The following FOXI2 variants were observed in gnomAD, a reference collection of about 807,000 sequenced individuals.
FOXI2 encodes forkhead box protein I2.
FOXI2 carries 17 observed loss-of-function variants against 14.3 expected under a neutral mutation model. The ratio of observed to expected loss-of-function variants is 1.19; its 90% CI spans 0.81 to 1.78. The LOEUF is 1.78. FOXI2 is among the 40% of genes most tolerant of loss of function. The probability of loss-of-function intolerance (pLI) is 0.00; values close to 1 mark genes in which losing one functional copy is unlikely to be tolerated. For missense variants in FOXI2, 541 were observed against 460.0 expected (o/e 1.18, Z -1.61); for synonymous variants, 240 against 218.8 (o/e 1.10, Z -0.85).
Position 127,739,197 on chromosome 10 carries a change from T to C in FOXI2, c.*232T>C, listed in dbSNP as rs1846461116. On this transcript the variant is annotated 3_prime_UTR_variant, in exon 2 of 2. Transcript: ENST00000388920. The stretch of plus-strand genomic sequence containing the variant: ...ACCCAGGCGACCTTCGGAACCTCCC[T>C]GCTCTGCCTCTAAGTCCAGCCGCCC... The C allele has an allele frequency of 3.9e-6, 2 of 518,992 alleles. No individual in the cohort carries two copies. The highest frequency in any genetic ancestry group is 6.9e-5 in the East Asian group (2 of 28,800). The allele number at this position is 518,992 out of a possible 1,614,324, so 32.1% of individuals were successfully genotyped here. A position where few individuals can be genotyped will look rare whatever the true frequency, so the allele number is the denominator to read the frequency against.
chr10:127,738,153 A>G (rs910677156), intron 1 of FOXI2, among the ~76,000 whole-genome samples: 1 of 152,150 alleles, frequency 6.6e-6, no homozygotes, highest in Non-Finnish European at 1.5e-5. Context: ...GATGGGCAAA[A>G]CAAATAGGAT....
Position 127,740,109 on chromosome 10 carries a change from C to CACACTCACACCCACACTG in FOXI2, c.*1148_*1149insTCACACCCACACTGACAC, listed in dbSNP as rs1846502173. Reference sequence around the variant, plus strand: ...CCACACTCACACTCACACCCACACTCACACCACACTCACACCCACACACAC... The same window carrying CACACTCACACCCACACTG: ...CCACACTCACACTCACACCCACACTCACACTCACACCCACACTGACACCACACTCACACCCACACACAC... On this transcript the variant is annotated 3_prime_UTR_variant, in exon 2 of 2. Coordinates refer to ENST00000388920, the MANE Select transcript of FOXI2 (RefSeq NM_207426.3). 1 of 77,226 alleles carries CACACTCACACCCACACTG rather than the reference C, an allele frequency of 1.3e-5. No homozygotes were observed. The highest frequency in any genetic ancestry group is 2.9e-5 in the Non-Finnish European group (1 of 34,424). 4.8% of individuals were successfully genotyped at this position (77,226 alleles called of 1,614,324 possible).
At position 127,738,914 on chromosome 10, in the gene FOXI2, C is replaced by T. The variant is rs1459053133; in HGVS notation, c.906C>T (p.Ala302=). ...GFAPGHQTAA[A]GFRLSHLLYS... ...CCCCTGGCCACCAGACCGCGGCCGC[C>T]GGCTTCCGCCTCAGTCACCTCCTCT... The change falls in exon 2 of 2, where the codon GCC becomes GCT. Residue 302 remains alanine (A), a synonymous_variant. Coordinates refer to ENST00000388920, the MANE Select transcript of FOXI2 (RefSeq NM_207426.3). 1 of 1,603,224 alleles carries T rather than the reference C, an allele frequency of 6.2e-7. No homozygotes were observed. The highest frequency in any genetic ancestry group is 1.3e-5 in the African/African-American group (1 of 74,980).
intron 1 of FOXI2, 55 bp from the exon 2 acceptor site, chr10:127,738,465 A>C: frequency 2.1e-6 from 3 of 1,436,328 alleles, no homozygotes; most frequent in Non-Finnish European, 2.9e-6. Flanking sequence ...GCTGGCTCAC[A>C]CCACGGCCCG....
Position 127,738,553 on chromosome 10 carries a change from G to T in FOXI2, c.545G>T (p.Cys182Phe), listed in dbSNP as rs750067212. 2.5e-6 allele frequency: 4 copies of T among 1,613,072 alleles called. No individual in the cohort carries two copies. The African/African-American group carries it at 5.3e-5, about 22-fold the overall frequency. ...KGNYWTLDPN[C>F]EKMFDNGNFR... ...AATTACTGGACCCTGGACCCCAACT[G>T]CGAGAAGATGTTTGACAACGGGAAC... The change falls in exon 2 of 2, where the codon TGC becomes TTC. Residue 182 changes from cysteine to phenylalanine, a missense_variant. Cys to Phe is a radical substitution (Grantham distance 205). Coordinates refer to ENST00000388920, the MANE Select transcript of FOXI2 (RefSeq NM_207426.3).
At position 127,737,327 on chromosome 10, in the gene FOXI2, C is replaced by A; in HGVS notation, c.54C>A (p.Ala18=). The A allele has an allele frequency of 6.9e-7, 1 of 1,446,842 alleles. No individual in the cohort carries two copies. The highest frequency in any genetic ancestry group is 9.0e-7 in the Non-Finnish European group (1 of 1,113,624). 89.6% of individuals were successfully genotyped at this position (1,446,842 alleles called of 1,614,324 possible). ...CCTCCTCGGCCCCGCCCGGCCAGGC[C>A]CAGGCCACCGCGCACCCCCCGGGCT... The part of the protein sequence containing the change: ...LGPSSAPPGQ[A]QATAHPPGYE... The change falls in exon 1 of 2, where the codon GCC becomes GCA. Residue 18 remains alanine, a synonymous_variant. Transcript: ENST00000388920.
Position 127,738,967 on chromosome 10 carries a change from GGGAGGCT to G in FOXI2, c.*10_*16del, listed in dbSNP as rs762613364. 2 of 1,598,638 alleles carry G rather than the reference GGGAGGCT, an allele frequency of 1.3e-6. No individual in the cohort carries two copies. Among genetic ancestry groups the G allele is most frequent in the Non-Finnish European group, 1.7e-6 (2 of 1,179,082 alleles). On this transcript the variant is annotated 3_prime_UTR_variant, in exon 2 of 2. Coordinates refer to ENST00000388920, the MANE Select transcript of FOXI2 (RefSeq NM_207426.3). ...AGCCGGGAAGGGACCGAAGTTTGAA[GGGAGGCT>G]GGAGGCTAGCCGGGTGCGGGTCCAG...
In FOXI2 at chr10:127,739,821, CCACACCCACACCCACACTCACACT is replaced by C. The variant is rs1564749032; in HGVS notation, c.*862_*885del. 14 of 87,434 alleles carry C rather than the reference CCACACCCACACCCACACTCACACT, an allele frequency of 1.6e-4. No individual in the cohort carries two copies. The highest frequency in any genetic ancestry group is 5.6e-4 in the African/African-American group (11 of 19,722). The allele number at this position is 87,434 out of a possible 1,614,324, so 5.4% of individuals were successfully genotyped here. On this transcript the variant is annotated 3_prime_UTR_variant, in exon 2 of 2. Coordinates refer to ENST00000388920, the MANE Select transcript of FOXI2 (RefSeq NM_207426.3). Reference sequence around the variant, plus strand: ...CTCACACCCACACTCACACCCACACCCACACCCACACCCACACTCACACTCACACTCACACCCACACTCACACCC... The same window carrying C: ...CTCACACCCACACTCACACCCACACCCACACTCACACCCACACTCACACCC...
In FOXI2 at chr10:127,740,193, ACACCCACACC is replaced by A. The variant is rs1564749687; in HGVS notation, c.*1232_*1241del. The A allele has an allele frequency of 1.4e-4, 21 of 146,394 alleles. 2 individuals are homozygous for A. Among genetic ancestry groups the A allele is most frequent in the African/African-American group, 5.4e-4 (21 of 39,036 alleles). 9.1% of individuals were successfully genotyped at this position (146,394 alleles called of 1,614,324 possible). ...TACTCACACACCCACACCCACACCC[ACACCCACACC>A]CACACCCACACCCACACTCACACAG... On this transcript the variant is annotated 3_prime_UTR_variant, in exon 2 of 2. Coordinates refer to ENST00000388920, the MANE Select transcript of FOXI2 (RefSeq NM_207426.3).
At chr10:127,738,434 C>A in intron 1 of FOXI2, 86 bp from the exon 2 acceptor site, 1 of 1,075,862 alleles carries the variant, frequency 9.3e-7, no homozygotes, top group Admixed American at 2.4e-5. Context: ...AGCAGGGGAT[C>A]TTTCTGAAGC....
Position 127,737,681 on chromosome 10 carries a change from C to T in FOXI2, c.408C>T (p.Phe136=). 1.9e-6 allele frequency: 3 copies of T among 1,601,360 alleles called. No homozygotes were observed. The highest frequency in any genetic ancestry group is 2.6e-6 in the Non-Finnish European group (3 of 1,174,028). The change falls in exon 1 of 2, where the codon TTC becomes TTT. Residue 136 remains phenylalanine, a synonymous_variant. Transcript: ENST00000388920. ...TCTACCAGTACGTGGCTGGTAACTT[C>T]CCTTTCTACAAGCGCAGCAAGGCGG... The part of the protein sequence containing the change: ...SQIYQYVAGN[F]PFYKRSKAGW...
At position 127,737,536 on chromosome 10, in the gene FOXI2, G is replaced by T. The variant is rs1338768549; in HGVS notation, c.263G>T (p.Trp88Leu). The change falls in exon 1 of 2, where the codon TGG becomes TTG. Residue 88 changes from tryptophan (W) to leucine (L), a missense_variant. Coordinates refer to ENST00000388920, the MANE Select transcript of FOXI2 (RefSeq NM_207426.3). ...PGGLAGADLA[W>L]LSLSGQQELL... Reference sequence around the variant, plus strand: ...GGCCTGGCGGGCGCCGACCTCGCCTGGCTGAGCCTCTCCGGCCAGCAGGAG... The same window carrying T: ...GGCCTGGCGGGCGCCGACCTCGCCTTGCTGAGCCTCTCCGGCCAGCAGGAG... 1.3e-6 allele frequency: 2 copies of T among 1,506,392 alleles called. No individual in the cohort carries two copies. The highest frequency in any genetic ancestry group is 8.9e-7 in the Non-Finnish European group (1 of 1,128,546). 93.3% of individuals were successfully genotyped at this position (1,506,392 alleles called of 1,614,324 possible).
rs1846468175 is a variant in FOXI2 at position 127,739,650 on chromosome 10, C to G, written c.*685C>G. The G allele has an allele frequency of 6.6e-6, 1 of 150,652 alleles. No homozygotes were observed. Among genetic ancestry groups the G allele is most frequent in the Middle Eastern group, 3.2e-3 (1 of 310 alleles). 9.3% of individuals were successfully genotyped at this position (150,652 alleles called of 1,614,324 possible). ...GGGATACCAGCTCCCTTCCCTGTCA[C>G]TCAGCCCTGGTCCTTGATGACCCCC... On this transcript the variant is annotated 3_prime_UTR_variant, in exon 2 of 2. Coordinates refer to ENST00000388920, the MANE Select transcript of FOXI2 (RefSeq NM_207426.3).
rs1846502121 is a variant in FOXI2 at position 127,740,108 on chromosome 10, T to TCACACCACACTCACACC, written c.*1149_*1165dup. 1 of 34,658 alleles carries TCACACCACACTCACACC rather than the reference T, an allele frequency of 2.9e-5. No homozygotes were observed. Among genetic ancestry groups the TCACACCACACTCACACC allele is most frequent in the Non-Finnish European group, 6.0e-5 (1 of 16,530 alleles). The allele number at this position is 34,658 out of a possible 1,614,324, so 2.1% of individuals were successfully genotyped here. The stretch of plus-strand genomic sequence containing the variant: ...CCCACACTCACACTCACACCCACAC[T>TCACACCACACTCACACC]CACACCACACTCACACCCACACACA... On this transcript the variant is annotated 3_prime_UTR_variant, in exon 2 of 2. Coordinates refer to ENST00000388920, the MANE Select transcript of FOXI2 (RefSeq NM_207426.3).
At position 127,739,070 on chromosome 10, in the gene FOXI2, C is replaced by T. The variant is rs1846457608; in HGVS notation, c.*105C>T. On this transcript the variant is annotated 3_prime_UTR_variant, in exon 2 of 2. Transcript: ENST00000388920. The stretch of plus-strand genomic sequence containing the variant: ...GTGTTGGCGTTGAAGGCCTTGGTGC[C>T]CTGGGAGGAAGCGCAGAGCCGGGGG... 9.6e-7 allele frequency: 1 copy of T among 1,040,586 alleles called. No individual in the cohort carries two copies. The highest frequency in any genetic ancestry group is 1.4e-6 in the Non-Finnish European group (1 of 731,046). 64.5% of individuals were successfully genotyped at this position (1,040,586 alleles called of 1,614,324 possible).
chr10:127,737,301 C>T lies in FOXI2; in HGVS notation c.28C>T (p.Pro10Ser). The T allele has an allele frequency of 1.4e-6, 2 of 1,464,510 alleles. No individual in the cohort carries two copies. Among genetic ancestry groups the T allele is most frequent in the South Asian group, 2.6e-5 (2 of 76,174 alleles). 90.7% of individuals were successfully genotyped at this position (1,464,510 alleles called of 1,614,324 possible). A position where few individuals can be genotyped will look rare whatever the true frequency, so the allele number is the denominator to read the frequency against. MATYCDDLG[P>S]SSAPPGQAQA... ...GGCCACCTACTGCGACGACCTGGGC[C>T]CCTCCTCGGCCCCGCCCGGCCAGGC... The change falls in exon 1 of 2, where the codon CCC becomes TCC. Residue 10 changes from proline (P) to serine (S), a missense_variant. Pro to Ser is a moderately conservative substitution (Grantham distance 74). Transcript: ENST00000388920.
In FOXI2 at chr10:127,739,903, ACACACTCACACCCACACC is replaced by A. The variant is rs1456601179; in HGVS notation, c.*956_*973del. 6 of 20,462 alleles carry A rather than the reference ACACACTCACACCCACACC, an allele frequency of 2.9e-4. 1 individual carries two copies. Among genetic ancestry groups the A allele is most frequent in the African/African-American group, 3.4e-4 (3 of 8,750 alleles). 1.3% of individuals were successfully genotyped at this position (20,462 alleles called of 1,614,324 possible). ...CACCCACACCCACACCCACACTCAC[ACACACTCACACCCACACC>A]CACACTCACACCCACACACACTCAC... On this transcript the variant is annotated 3_prime_UTR_variant, in exon 2 of 2. Transcript: ENST00000388920.
rs1554874515 is a variant in FOXI2, at chr10:127,740,069, T to TCACACTCACACTCAC, written c.*1104_*1105insCACACTCACACTCAC. The stretch of plus-strand genomic sequence containing the variant: ...ACACCCACACTCACACCCACACTCA[T>TCACACTCACACTCAC]ACTCACACTCACACCCACACTCACA... On this transcript the variant is annotated 3_prime_UTR_variant, in exon 2 of 2. Transcript: ENST00000388920. 1.6e-5 allele frequency: 1 copy of TCACACTCACACTCAC among 62,064 alleles called. No individual in the cohort carries two copies. The allele number at this position is 62,064 out of a possible 1,614,324, so 3.8% of individuals were successfully genotyped here. A position where few individuals can be genotyped will look rare whatever the true frequency, so the allele number is the denominator to read the frequency against.
At position 127,739,191 on chromosome 10, in the gene FOXI2, C is replaced by G; in HGVS notation, c.*226C>G. 1 of 521,734 alleles carries G rather than the reference C, an allele frequency of 1.9e-6. No homozygotes were observed. Among genetic ancestry groups the G allele is most frequent in the African/African-American group, 2.0e-5 (1 of 49,592 alleles). 32.3% of individuals were successfully genotyped at this position (521,734 alleles called of 1,614,324 possible). A position where few individuals can be genotyped will look rare whatever the true frequency, so the allele number is the denominator to read the frequency against. The stretch of plus-strand genomic sequence containing the variant: ...CCCCTCACCCAGGCGACCTTCGGAA[C>G]CTCCCTGCTCTGCCTCTAAGTCCAG... On this transcript the variant is annotated 3_prime_UTR_variant, in exon 2 of 2. Transcript: ENST00000388920.
Sources: gnomAD v4.1 joint callset for allele counts (sites outside exome capture counted in the v4.1 genomes callset) on GRCh38, gnomAD v4.1.1 for gene constraint, MANE v1.5 for transcripts, NCBI Gene and HGNC (gene_info 2026-07-23, HGNC 2026-07-21) for gene names.